RABGAP1L: variants seen among roughly 807,000 people sequenced by gnomAD.
RABGAP1L encodes the protein rab GTPase-activating protein 1-like.
In RABGAP1L, 63 loss-of-function variants were observed where a neutral mutation model predicts 137.7. The ratio of observed to expected loss-of-function variants is 0.46; its 90% CI spans 0.37 to 0.56. The LOEUF (loss-of-function observed/expected upper bound fraction) is 0.56, where lower values mean the gene tolerates loss of function less well. RABGAP1L is among the 20% of genes least tolerant of loss of function. RABGAP1L has a pLI of 0.00. For synonymous variants in RABGAP1L, 431 were observed against 433.7 expected, an observed-to-expected ratio of 0.99 and a Z score of 0.08; for missense variants, 1,095 against 1,244.0, an observed-to-expected ratio of 0.88 and a Z score of 1.80.
At chr1:174,699,341 A>G (rs1447954672) in intron 15 of RABGAP1L, among the ~76,000 whole-genome samples, 184 bp from the exon 16 acceptor site, 2 of 152,218 alleles carry the variant, frequency 1.3e-5, no homozygotes, top group African/African-American at 4.8e-5. Flanking sequence ...TAAAATTAAC[A>G]AAAGAAGATA....
chr1:174,693,804 A>G (rs1212755451), intron 15 of RABGAP1L, among the ~76,000 whole-genome samples: 1 of 152,248 alleles, frequency 6.6e-6, no homozygotes, highest in Non-Finnish European at 1.5e-5. Flanking sequence ...AAACAACTGC[A>G]CAAATGCATC....
At chr1:174,599,576 C>A (rs535117942) in intron 13 of RABGAP1L, among the ~76,000 whole-genome samples, 1 of 152,198 alleles carries the variant, frequency 6.6e-6, no homozygotes, top group East Asian at 1.9e-4. Flanking sequence ...GTCTTTATTT[C>A]TTCTGCATAT....
intron 18 of RABGAP1L, among the ~76,000 whole-genome samples, chr1:174,789,901 T>A (rs904265184): frequency 6.6e-6 from 1 of 152,180 alleles, no homozygotes; most frequent in South Asian, 2.1e-4. Flanking sequence ...TATTTTCTAA[T>A]TGGATACAGA....
rs1426104716 is a variant in RABGAP1L at position 174,993,752 on chromosome 1, T to A, written c.*3751T>A. 6.6e-6 allele frequency: 1 copy of A among 152,230 alleles called. No individual in the cohort carries two copies. Among genetic ancestry groups the A allele is most frequent in the Non-Finnish European group, 1.5e-5 (1 of 68,036 alleles). The allele number at this position is 152,230 out of a possible 1,614,324, so 9.4% of individuals were successfully genotyped here. On this transcript the variant is annotated 3_prime_UTR_variant, in exon 26 of 26. Transcript: ENST00000681986. ...TTTAAAAAATTAAATGCCTTGGTTT[T>A]GTTTTATCTTCTGGGAAAGAACACT...
At chr1:174,834,865 G>A (rs1231842982) in intron 19 of RABGAP1L, among the ~76,000 whole-genome samples, 5 of 152,122 alleles carry the variant, frequency 3.3e-5, no homozygotes, top group African/African-American at 7.2e-5. Context: ...ATAAGTGCTG[G>A]AAAATGAGGT....
At chr1:174,808,857 G>A (rs375720378) in intron 18 of RABGAP1L, among the ~76,000 whole-genome samples, 14 of 151,936 alleles carry the variant, frequency 9.2e-5, no homozygotes, top group Non-Finnish European at 1.8e-4. Flanking sequence ...GAGTTTCACC[G>A]TGTTGGTCAG....
At chr1:174,349,634 G>C (rs1218696041) in intron 11 of RABGAP1L, among the ~76,000 whole-genome samples, 1 of 138,946 alleles carries the variant, frequency 7.2e-6, no homozygotes, top group African/African-American at 2.6e-5. Flanking sequence ...CGGGTGGGGG[G>C]CTGACCCCCC....
chr1:174,899,005 A>G (rs954493873), intron 19 of RABGAP1L, among the ~76,000 whole-genome samples: 16 of 152,122 alleles, frequency 1.1e-4, no homozygotes, highest in Admixed American at 3.3e-4. Context: ...CTAAATTTGA[A>G]ACCCTAGGTT....
chr1:174,741,047 T>G (rs1572990562), intron 17 of RABGAP1L, among the ~76,000 whole-genome samples: 1 of 101,332 alleles, frequency 9.9e-6, no homozygotes, highest in Non-Finnish European at 1.6e-5. Context: ...TTTGTTTTGT[T>G]TTTTTTTTTT....
rs539720674 is a variant in RABGAP1L at position 174,383,635 on chromosome 1, G to A, written c.1560-10360G>A. ...CGCTTCCCAAGTGAGGCAATGCCTC[G>A]CCCTGCTTCGGCTCGCGCACGGTGC... On this transcript the variant is annotated intron_variant, in intron 12 of 25. Coordinates refer to ENST00000681986, the MANE Select transcript of RABGAP1L (RefSeq NM_001366446.1). Among the ~76,000 whole-genome samples the A allele has an allele frequency of 3.3e-5, 5 of 152,282 alleles. No homozygotes were observed. In the East Asian group the frequency reaches 5.8e-4, roughly 18 times the overall value.
intron 13 of RABGAP1L, among the ~76,000 whole-genome samples, chr1:174,520,904 G>A (rs1482949691): frequency 6.6e-6 from 1 of 152,158 alleles, no homozygotes; most frequent in African/African-American, 2.4e-5. Flanking sequence ...GGGAGGCTGA[G>A]GCAGGAGAAT....
rs559790636 is a variant in RABGAP1L, at chr1:174,736,705, C to T, written c.2170-15608C>T. On this transcript the variant is annotated intron_variant, in intron 17 of 25. Coordinates refer to ENST00000681986, the MANE Select transcript of RABGAP1L (RefSeq NM_001366446.1). The stretch of plus-strand genomic sequence containing the variant: ...GCACTGAGGCTTTTTCATACATGTC[C>T]TGAAATCTAGGGGAAATCTGCCAAG... 2.0e-5 allele frequency among the ~76,000 whole-genome samples: 3 copies of T among 152,348 alleles called. No individual in the cohort carries two copies. The South Asian group carries it at 6.2e-4, about 32-fold the overall frequency.
intron 13 of RABGAP1L, among the ~76,000 whole-genome samples, chr1:174,553,249 A>G (rs915919459): frequency 1.3e-5 from 2 of 151,994 alleles, no homozygotes; most frequent in African/African-American, 4.8e-5. Flanking sequence ...CCATTTGTTG[A>G]TTTTTGCTTT....
At chr1:174,454,088 T>A (rs537511436) in intron 13 of RABGAP1L, among the ~76,000 whole-genome samples, 6 of 151,964 alleles carry the variant, frequency 3.9e-5, no homozygotes, top group African/African-American at 1.2e-4. Flanking sequence ...AATGGTGAAA[T>A]CCCATCTCTA....
intron 19 of RABGAP1L, among the ~76,000 whole-genome samples, chr1:174,918,780 AAAG>A (rs1558231696): frequency 1.3e-5 from 2 of 151,650 alleles, no homozygotes; most frequent in Admixed American, 1.3e-4. Context: ...TTTTTTCAAA[AAAG>A]AAGAAAAGAA....
chr1:174,547,292 A>G (rs1227977327), intron 13 of RABGAP1L, among the ~76,000 whole-genome samples: 1 of 152,080 alleles, frequency 6.6e-6, no homozygotes, highest in East Asian at 1.9e-4. Context: ...GTGAGCGTTG[A>G]TTATTTTTAA....
intron 13 of RABGAP1L, among the ~76,000 whole-genome samples, chr1:174,446,391 A>G (rs1474943623): frequency 1.3e-5 from 2 of 152,204 alleles, no homozygotes; most frequent in Non-Finnish European, 2.9e-5. Context: ...AACTTTCAGA[A>G]GAATGCTTTC....
At chr1:174,748,588 T>C (rs945146652) in intron 17 of RABGAP1L, among the ~76,000 whole-genome samples, 2 of 152,108 alleles carry the variant, frequency 1.3e-5, no homozygotes, top group African/African-American at 4.8e-5. Context: ...CATTAATCCA[T>C]GGCCGAGCAC....
chr1:174,541,898 T>TTGATTTGCGTA (rs1665487902), intron 13 of RABGAP1L, among the ~76,000 whole-genome samples: 1 of 152,386 alleles, frequency 6.6e-6, no homozygotes. Context: ...ATTATGTTTA[T>TTGATTTGCGTA]TGATTTGCGT....
Sources: allele counts gnomAD v4.1 joint callset (sites outside exome capture counted in the v4.1 genomes callset), GRCh38; gene constraint gnomAD v4.1.1; transcripts MANE v1.5; gene names NCBI Gene and HGNC (gene_info 2026-07-23, HGNC 2026-07-21).